The following PLCH1 variants were observed in gnomAD, a reference collection of about 807,000 sequenced individuals.
The protein encoded by PLCH1 is 1-phosphatidylinositol 4,5-bisphosphate phosphodiesterase eta-1.
PLCH1 carries 60 observed loss-of-function variants against 126.7 expected under a neutral mutation model. The ratio of observed to expected loss-of-function variants is 0.47; its 90% confidence interval spans 0.38 to 0.59. The LOEUF is 0.59. Ranked by LOEUF, PLCH1 falls within the 20% of genes least tolerant of loss-of-function variation. The pLI is 0.00. For synonymous variants in PLCH1, 719 were observed against 734.9 expected, an observed-to-expected ratio of 0.98 and a Z score of 0.35; for missense variants, 1,723 against 2,040.0, an observed-to-expected ratio of 0.84 and a Z score of 2.99.
At chr3:155,580,667 A>G (rs116815983) in intron 6 of PLCH1, among the ~76,000 whole-genome samples, 2,826 of 152,282 alleles carry the variant, frequency 0.019, 96 homozygotes, top group African/African-American at 0.065. Context: ...TTTCATGTAT[A>G]TTAACAATGT....
chr3:155,553,795 C>G (rs1033433354), intron 9 of PLCH1, among the ~76,000 whole-genome samples: 2 of 152,140 alleles, frequency 1.3e-5, no homozygotes, highest in Admixed American at 1.3e-4. Flanking sequence ...ACACTCTACA[C>G]CCTGGATTTA....
At chr3:155,479,235 T>C (rs557344192), downstream of PLCH1, among the ~76,000 whole-genome samples, 90 of 152,312 alleles carry the variant, frequency 5.9e-4, no homozygotes, top group African/African-American at 1.9e-3. Flanking sequence ...AAAACAAGGA[T>C]ACCTTAAAAA....
intron 10 of PLCH1, 97 bp from the exon 11 acceptor site, chr3:155,524,101 T>C (rs1721580780): frequency 4.0e-6 from 3 of 755,736 alleles, no homozygotes; most frequent in Non-Finnish European, 7.0e-6. Flanking sequence ...GATGAGAGGA[T>C]AAACAAAACG....
chr3:155,492,561 C>G (rs1716384117), intron 18 of PLCH1, among the ~76,000 whole-genome samples, 168 bp downstream of exon 18: 1 of 152,172 alleles, frequency 6.6e-6, no homozygotes, highest in African/African-American at 2.4e-5. Context: ...GACAGCAGTA[C>G]AGCAAGAACT....
intron 1 of PLCH1, among the ~76,000 whole-genome samples, chr3:155,710,879 A>G (rs1347206007): frequency 2.0e-5 from 3 of 151,904 alleles, no homozygotes; most frequent in Admixed American, 1.3e-4. Flanking sequence ...GCATGTTTAC[A>G]AACTTGAAAA....
At position 155,483,062 on chromosome 3, in the gene PLCH1, C is replaced by A; in HGVS notation, c.2975-11G>T. 1 of 1,607,522 alleles carries A rather than the reference C, an allele frequency of 6.2e-7. No individual in the cohort carries two copies. The highest frequency in any genetic ancestry group is 8.5e-7 in the Non-Finnish European group (1 of 1,176,604). On this transcript the variant is annotated splice_polypyrimidine_tract_variant and intron_variant, in intron 22 of 22. Transcript: ENST00000460012. ...CATCTTTATCTTCTGCTGAAGGAGACAAACAATATTTTAGGTGACATCTAT... is the reference window on the plus strand; with the variant it reads ...CATCTTTATCTTCTGCTGAAGGAGAAAAACAATATTTTAGGTGACATCTAT...
At chr3:155,557,773 C>G (rs530362488) in intron 8 of PLCH1, among the ~76,000 whole-genome samples, 2 of 152,296 alleles carry the variant, frequency 1.3e-5, no homozygotes, top group East Asian at 3.9e-4. Context: ...GCAACTCCAA[C>G]AAAGATTTAG....
chr3:155,465,922 T>A (rs1270208720), intron 21 of PLCH1, among the ~76,000 whole-genome samples: 1 of 151,296 alleles, frequency 6.6e-6, no homozygotes, highest in African/African-American at 2.4e-5. Flanking sequence ...GGAAGAGGAG[T>A]GGGAAGGACT....
At chr3:155,457,686 G>A (rs1712485937) in intron 21 of PLCH1, 1 of 152,108 alleles carries the variant, frequency 6.6e-6, no homozygotes, top group African/African-American at 2.4e-5. Context: ...ATAAGGTCAA[G>A]GAATTCGGTT....
In PLCH1 at chr3:155,485,442, A is replaced by G. The variant is rs893603448; in HGVS notation, c.2888T>C (p.Met963Thr). Residue 963 changes from methionine (M) to threonine (T), a missense_variant, in exon 22 of 23, where the codon ATG (methionine) becomes ACG (threonine). By Grantham distance (81) the Met-to-Thr change is moderately conservative. Around this residue, in one of 2 missense-constraint regions of PLCH1, gnomAD observed 947 missense variants for 977.1 expected, o/e 0.97. Transcript: ENST00000460012. ...TCCCAGAAGGTTTCTGTCAACAGGC[A>G]TAGAGACAGGGCGTGCTTGCAAACT... Reference protein sequence around the residue: ...TRSLQARPVSMPVDRNLLGAL... With the variant: ...TRSLQARPVSTPVDRNLLGAL... 4 of 1,614,022 alleles carry G rather than the reference A, an allele frequency of 2.5e-6. No homozygotes were observed. Among genetic ancestry groups the G allele is most frequent in the East Asian group, 4.5e-5 (2 of 44,866 alleles).
intron 21 of PLCH1, among the ~76,000 whole-genome samples, chr3:155,456,486 G>A (rs1025338249): frequency 6.6e-6 from 1 of 152,156 alleles, no homozygotes; most frequent in Non-Finnish European, 1.5e-5. Context: ...CCTCTTTTCT[G>A]CTCTATTTAC....
intron 4 of PLCH1, among the ~76,000 whole-genome samples, chr3:155,590,873 T>C (rs2108629575): frequency 1.3e-5 from 2 of 152,236 alleles, no homozygotes; most frequent in Middle Eastern, 6.8e-3. Context: ...CTCTTTACTA[T>C]TCATCAATTT....
intron 2 of PLCH1, chr3:155,676,070 A>G: frequency 1.3e-6 from 2 of 1,490,272 alleles, no homozygotes; most frequent in Non-Finnish European, 1.8e-6. Context: ...ATTATTGGCA[A>G]GAGCAGTACA....
intron 21 of PLCH1, among the ~76,000 whole-genome samples, chr3:155,459,728 G>T (rs1195757938): frequency 6.6e-6 from 1 of 152,158 alleles, no homozygotes; most frequent in Non-Finnish European, 1.5e-5. Context: ...ATAGCAATGG[G>T]GATATGGGGA....
chr3:155,544,479 G>A (rs1296794658), intron 10 of PLCH1, among the ~76,000 whole-genome samples: 7 of 152,096 alleles, frequency 4.6e-5, no homozygotes, highest in South Asian at 2.1e-4. Context: ...ACAGATCAAC[G>A]AGACAGAAAG....
At chr3:155,469,840 T>C (rs887330796) in intron 21 of PLCH1, among the ~76,000 whole-genome samples, 12 of 152,100 alleles carry the variant, frequency 7.9e-5, no homozygotes, top group Admixed American at 2.6e-4. Context: ...CGGCAGGGTA[T>C]TCCAATAGAC....
intron 21 of PLCH1, among the ~76,000 whole-genome samples, chr3:155,470,720 C>T (rs1459066343): frequency 3.3e-5 from 5 of 152,048 alleles, no homozygotes; most frequent in African/African-American, 9.7e-5. Flanking sequence ...AGACTAACAG[C>T]GGATCTCTCG....
chr3:155,626,801 G>GAAAAAAAAAAAAAAAA (rs1737355762), intron 2 of PLCH1, among the ~76,000 whole-genome samples: 2 of 126,408 alleles, frequency 1.6e-5, no homozygotes, highest in African/African-American at 2.9e-5. Context: ...AAAAAAAAAG[G>GAAAAAAAAAAAAAAAA]AAAAAGATGA....
intron 2 of PLCH1, among the ~76,000 whole-genome samples, chr3:155,700,106 C>G (rs1746156150): frequency 6.6e-6 from 1 of 152,078 alleles, no homozygotes; most frequent in Non-Finnish European, 1.5e-5. Context: ...GACAGGGAAA[C>G]TGAGGGCCCC....
Sources: gnomAD v4.1 joint callset for allele counts (sites outside exome capture counted in the v4.1 genomes callset) on GRCh38, gnomAD v4.1.1 for gene constraint, gnomAD v4.1.1 regional missense constraint, MANE v1.5 for transcripts, NCBI Gene and HGNC (gene_info 2026-07-23, HGNC 2026-07-21) for gene names.